GLYATL2: variants seen among roughly 807,000 people sequenced by gnomAD.
GLYATL2 encodes the protein glycine N-acyltransferase-like protein 2.
GLYATL2 carries 25 observed loss-of-function variants against 21.4 expected under a neutral mutation model. That is an observed-to-expected ratio of 1.17 (90% CI 0.85 to 1.63). GLYATL2 has a LOEUF of 1.63. Ranked by LOEUF, GLYATL2 falls within the 40% of genes most tolerant of loss-of-function variation. GLYATL2 has a pLI of 0.00. For missense variants in GLYATL2, 361 were observed against 343.3 expected (o/e 1.05, Z -0.41); for synonymous variants, 114 against 118.2 (o/e 0.96, Z 0.23).
chr11:58,840,549 T>C (rs1453049287), intron 1 of GLYATL2: 1 of 152,070 alleles, frequency 6.6e-6, no homozygotes, highest in Non-Finnish European at 1.5e-5. Context: ...ATTAATAATA[T>C]AAAGATGCAG....
intron 1 of GLYATL2, among the ~76,000 whole-genome samples, chr11:58,876,507 A>T: frequency 6.6e-6 from 1 of 152,180 alleles, no homozygotes; most frequent in East Asian, 1.9e-4. Flanking sequence ...TCCTTCTAAC[A>T]GTCAGGACCC....
At chr11:58,841,085 A>G (rs17153009) in intron 1 of GLYATL2, among the ~76,000 whole-genome samples, 41,116 of 151,842 alleles carry the variant, frequency 0.27, 6,128 homozygotes, top group East Asian at 0.5. Context: ...ATACTTGAAG[A>G]CAATATATAA....
At chr11:58,837,708 A>G (rs1853465008) in intron 3 of GLYATL2, among the ~76,000 whole-genome samples, 1 of 152,212 alleles carries the variant, frequency 6.6e-6, no homozygotes, top group Non-Finnish European at 1.5e-5. Flanking sequence ...AGGTATGGAA[A>G]GAAATATAAA....
chr11:58,907,722 G>T, upstream of GLYATL2: 2 of 193,624 alleles, frequency 1.0e-5, no homozygotes, highest in Non-Finnish European at 2.2e-5. Flanking sequence ...CACAACTTTG[G>T]GTGCCAAAAA....
intron 1 of GLYATL2, among the ~76,000 whole-genome samples, chr11:58,859,478 G>A (rs1187927191): frequency 2.0e-5 from 3 of 152,016 alleles, no homozygotes; most frequent in African/African-American, 4.8e-5. Context: ...TGGATTATTT[G>A]TTTTCTTGCT....
rs2134609514 is a variant in GLYATL2, at chr11:58,878,403, G to T, written n.60+25753C>A. ...ATAGGTAAGCTCCCTCTCGCATTTT[G>T]GATCTTCACACATTTGTGTTTTGAG... is the stretch of plus-strand genomic sequence containing the variant. On this transcript the variant is annotated intron_variant and non_coding_transcript_variant, in intron 1 of 4. Transcript: ENST00000533636. 7.0e-6 allele frequency: 4 copies of T among 571,560 alleles called. No homozygotes were observed. In the South Asian group the frequency reaches 2.1e-4, roughly 30 times the overall value. 35.4% of individuals were successfully genotyped at this position (571,560 alleles called of 1,614,324 possible). A position where few individuals can be genotyped will look rare whatever the true frequency, so the allele number is the denominator to read the frequency against.
rs188588082 is a variant in GLYATL2 at position 58,876,353 on chromosome 11, G to A, written n.60+27803C>T. ...GGTGAGGAGCTGCGTTCCTTTGGAG[G>A]AGGAGAGTCACTCTGATTTTTAGAG... On this transcript the variant is annotated intron_variant and non_coding_transcript_variant, in intron 1 of 4. Coordinates refer to the GLYATL2 transcript ENST00000533636. Among the ~76,000 whole-genome samples, 712 of 152,316 alleles carry A rather than the reference G, an allele frequency of 4.7e-3. 6 individuals are homozygous for A. Among genetic ancestry groups the A allele is most frequent in the African/African-American group, 0.016 (676 of 41,562 alleles).
intron 1 of GLYATL2, among the ~76,000 whole-genome samples, chr11:58,879,279 C>T (rs1282338040): frequency 6.6e-6 from 1 of 151,922 alleles, no homozygotes; most frequent in Non-Finnish European, 1.5e-5. Context: ...CTACCCAAAA[C>T]AATTTTCATG....
upstream of GLYATL2, among the ~76,000 whole-genome samples, chr11:58,906,938 A>G (rs1590762983): frequency 6.6e-6 from 1 of 152,210 alleles, no homozygotes; most frequent in African/African-American, 2.4e-5. Flanking sequence ...ATACTGAATC[A>G]GAGTCTGTGA....
intron 5 of GLYATL2, among the ~76,000 whole-genome samples, chr11:58,835,291 A>G: frequency 6.6e-6 from 1 of 152,246 alleles, no homozygotes; most frequent in East Asian, 1.9e-4. Flanking sequence ...CATATTTTAC[A>G]GGAAGATGAG....
chr11:58,902,559 G>T (rs1430215241), intron 1 of GLYATL2, among the ~76,000 whole-genome samples: 1 of 152,214 alleles, frequency 6.6e-6, no homozygotes. Context: ...TCTTTTAGGG[G>T]TTCATGAAGG....
chr11:58,849,160 G>C (rs1434238217), upstream of GLYATL2, among the ~76,000 whole-genome samples: 1 of 152,130 alleles, frequency 6.6e-6, no homozygotes, highest in African/African-American at 2.4e-5. Flanking sequence ...ATCAATATCA[G>C]ACCTTTCCTA....
chr11:58,856,360 G>C (rs545803), intron 1 of GLYATL2, among the ~76,000 whole-genome samples: 1 of 152,070 alleles, frequency 6.6e-6, no homozygotes, highest in African/African-American at 2.4e-5. Flanking sequence ...CAGCAATAAG[G>C]CCATTTTGCT....
chr11:58,837,368 G>T lies in GLYATL2; in HGVS notation c.216C>A (p.Thr72=), dbSNP rs544614171. Residue 72 remains threonine (T), a synonymous_variant, in exon 4 of 6, where the codon ACC becomes ACA. Coordinates refer to ENST00000287275, the MANE Select transcript of GLYATL2 (RefSeq NM_145016.4). The part of the protein sequence containing the change: ...QEMKDDQDHY[T]NTYHIFTKAP... ...CTTTGGTGAAGATGTGGTAAGTGTT[G>T]GTATAATGATCCTGGTCATCTTTCA... The T allele has an allele frequency of 6.8e-6, 11 of 1,613,014 alleles. No homozygotes were observed. In the East Asian group the frequency reaches 8.9e-5, roughly 13 times the overall value.
At chr11:58,907,033 T>G (rs1055236868), upstream of GLYATL2, among the ~76,000 whole-genome samples, 4 of 152,148 alleles carry the variant, frequency 2.6e-5, no homozygotes, top group Admixed American at 6.5e-5. Context: ...CCAAACTCCT[T>G]AATTTAGAAA....
intron 3 of GLYATL2, among the ~76,000 whole-genome samples, chr11:58,837,923 C>T (rs1272160731): frequency 6.6e-6 from 1 of 152,214 alleles, no homozygotes; most frequent in Non-Finnish European, 1.5e-5. Flanking sequence ...GCTGTTGACA[C>T]TTCCCCTTGG....
chr11:58,907,422 A>G (rs1280118348), upstream of GLYATL2: 2 of 455,878 alleles, frequency 4.4e-6, no homozygotes, highest in Non-Finnish European at 8.8e-6. Flanking sequence ...CACCATCTTT[A>G]ATTGCATGAT....
At chr11:58,870,581 G>A (rs1854100265) in intron 1 of GLYATL2, among the ~76,000 whole-genome samples, 1 of 152,168 alleles carries the variant, frequency 6.6e-6, no homozygotes, top group South Asian at 2.1e-4. Context: ...GAACTGTGAA[G>A]CATCTAAAAG....
At chr11:58,906,128 T>C (rs1447168433), upstream of GLYATL2, among the ~76,000 whole-genome samples, 1 of 152,182 alleles carries the variant, frequency 6.6e-6, no homozygotes, top group Non-Finnish European at 1.5e-5. Context: ...GTTTTTCTGG[T>C]TCTGGGTCGG....
Sources: allele counts gnomAD v4.1 joint callset (sites outside exome capture counted in the v4.1 genomes callset), GRCh38; gene constraint gnomAD v4.1.1; transcripts MANE v1.5; gene names NCBI Gene and HGNC (gene_info 2026-07-23, HGNC 2026-07-21).